The following GNAQ variants were observed in gnomAD, a reference collection of about 807,000 sequenced individuals.
The protein encoded by GNAQ is G protein subunit alpha q.
In GNAQ, 8 loss-of-function variants were observed where a neutral mutation model predicts 43.9. The observed-to-expected ratio is 0.18, with a 90% CI of 0.11 to 0.33. The LOEUF (loss-of-function observed/expected upper bound fraction) is 0.33. Ranked by LOEUF, GNAQ falls within the 10% of genes least tolerant of loss-of-function variation. The probability of loss-of-function intolerance (pLI) is 1.00; values close to 1 mark genes in which losing one functional copy is unlikely to be tolerated. For missense variants in GNAQ, 158 were observed against 450.8 expected, an observed-to-expected ratio of 0.35 and a Z score of 5.88; for synonymous variants, 155 against 170.7, an observed-to-expected ratio of 0.91 and a Z score of 0.71.
intron 3 of GNAQ, among the ~76,000 whole-genome samples, chr9:77,803,374 C>G (rs572652673): frequency 2.6e-5 from 4 of 152,320 alleles, no homozygotes; most frequent in African/African-American, 9.6e-5. Context: ...ATACCTGTTT[C>G]AAGCTTTCAG....
chr9:77,974,444 T>C (rs985148084), intron 1 of GNAQ, among the ~76,000 whole-genome samples: 1 of 152,230 alleles, frequency 6.6e-6, no homozygotes, highest in Admixed American at 6.5e-5. Flanking sequence ...TGATAGTAAC[T>C]ACCACATGCC....
At chr9:77,889,443 A>G in intron 2 of GNAQ, among the ~76,000 whole-genome samples, 1 of 142,364 alleles carries the variant, frequency 7.0e-6, no homozygotes, top group Non-Finnish European at 1.5e-5. Flanking sequence ...AAAAAAAAAA[A>G]AAAAATCCTT....
intron 6 of GNAQ, among the ~76,000 whole-genome samples, chr9:77,724,984 G>A (rs1202526486): frequency 2.6e-5 from 4 of 152,212 alleles, no homozygotes; most frequent in Middle Eastern, 3.4e-3. Context: ...AGCTGGAGAA[G>A]TCTCTCATTT....
chr9:77,825,317 C>A (rs1192076957), intron 2 of GNAQ, among the ~76,000 whole-genome samples: 1 of 149,940 alleles, frequency 6.7e-6, no homozygotes, highest in Non-Finnish European at 1.5e-5. Context: ...ATCTTTCATA[C>A]CTCCACAGTA....
intron 1 of GNAQ, among the ~76,000 whole-genome samples, chr9:77,986,738 C>A (rs997055172): frequency 1.2e-4 from 18 of 150,720 alleles, no homozygotes; most frequent in Non-Finnish European, 2.2e-4. Context: ...AACTCCTGGG[C>A]TCAATCTTCT....
intron 2 of GNAQ, among the ~76,000 whole-genome samples, chr9:77,853,654 A>G (rs914554494): frequency 1.3e-5 from 2 of 152,112 alleles, no homozygotes; most frequent in East Asian, 1.9e-4. Flanking sequence ...ATAAACCTAC[A>G]ATATGCACAA....
chr9:78,020,269 T>A (rs1823892032), intron 1 of GNAQ, among the ~76,000 whole-genome samples: 1 of 152,090 alleles, frequency 6.6e-6, no homozygotes, highest in African/African-American at 2.4e-5. Context: ...ATCACAGGAT[T>A]AGCAGAGTTC....
At chr9:78,022,242 G>A (rs2118607420) in intron 1 of GNAQ, among the ~76,000 whole-genome samples, 1 of 152,308 alleles carries the variant, frequency 6.6e-6, no homozygotes, top group South Asian at 2.1e-4. Flanking sequence ...CCTTCATCCA[G>A]GGGTGAGTTT....
intron 1 of GNAQ, among the ~76,000 whole-genome samples, chr9:77,937,166 G>C (rs980023843): frequency 3.9e-5 from 6 of 152,268 alleles, no homozygotes; most frequent in African/African-American, 1.4e-4. Flanking sequence ...GTTCTGGCCA[G>C]ACGTGGTGCC....
In GNAQ at chr9:77,842,789, C is replaced by CAT. The variant is rs1352085204; in HGVS notation, c.322-27021_322-27020dup. Among the ~76,000 whole-genome samples the CAT allele has an allele frequency of 3.9e-5, 6 of 152,244 alleles. No homozygotes were observed. The East Asian group carries it at 9.7e-4, about 25-fold the overall frequency. ...CGGAACCTTGGGATACTTTGATGAA[C>CAT]ATATGCATCTTTTACAAGGTTCCAA... On this transcript the variant is annotated intron_variant, in intron 2 of 6. Transcript: ENST00000286548.
intron 2 of GNAQ, among the ~76,000 whole-genome samples, chr9:77,888,965 T>C (rs1181882742): frequency 6.6e-6 from 1 of 152,164 alleles, no homozygotes; most frequent in Non-Finnish European, 1.5e-5. Flanking sequence ...ATTCTTCCCA[T>C]AAGCTTGAAC....
intron 2 of GNAQ, among the ~76,000 whole-genome samples, chr9:77,874,872 T>A (rs1351072722): frequency 5.3e-5 from 8 of 151,978 alleles, no homozygotes. Flanking sequence ...GCTCCTGCCT[T>A]GGCCACCTAA....
chr9:77,967,631 G>A (rs1418463860), intron 1 of GNAQ, among the ~76,000 whole-genome samples: 3 of 152,174 alleles, frequency 2.0e-5, no homozygotes, highest in East Asian at 3.9e-4. Flanking sequence ...AGGCATATTA[G>A]GTAGATTAGT....
At chr9:77,965,207 C>CTAT (rs1823151518) in intron 1 of GNAQ, among the ~76,000 whole-genome samples, 3 of 151,998 alleles carry the variant, frequency 2.0e-5, no homozygotes, top group African/African-American at 7.2e-5. Flanking sequence ...CAGCAACTAC[C>CTAT]ACCAATCAAC....
At chr9:77,822,590 C>T (rs1429416772) in intron 2 of GNAQ, among the ~76,000 whole-genome samples, 1 of 139,468 alleles carries the variant, frequency 7.2e-6, no homozygotes, top group Non-Finnish European at 1.5e-5. Context: ...AGAATTCAGA[C>T]AGGCGAAAAA....
chr9:77,723,076 T>A (rs1054501921), intron 6 of GNAQ, among the ~76,000 whole-genome samples: 7 of 152,072 alleles, frequency 4.6e-5, no homozygotes, highest in Non-Finnish European at 7.4e-5. Context: ...AAAAACCCAA[T>A]TAAAAAATAG....
Position 77,863,702 on chromosome 9 carries a change from T to C in GNAQ, c.322-47932A>G, listed in dbSNP as rs192304783. On this transcript the variant is annotated intron_variant, in intron 2 of 6. Transcript: ENST00000286548. ...CATTTATAAAAAAAAAGAGGTTTAA[T>C]GGACTTACAGTTCCACGTGGCTGGG... Among the ~76,000 whole-genome samples the C allele has an allele frequency of 3.5e-3, 527 of 152,262 alleles. 3 individuals are homozygous for C. The highest frequency in any genetic ancestry group is 3.5e-3 in the South Asian group (17 of 4,828).
intron 1 of GNAQ, among the ~76,000 whole-genome samples, chr9:77,937,444 A>C (rs1157171705): frequency 6.6e-6 from 1 of 152,064 alleles, no homozygotes; most frequent in Non-Finnish European, 1.5e-5. Context: ...TCTCAAAATA[A>C]ATAAATAAAT....
chr9:77,805,453 G>A (rs1178602604), intron 3 of GNAQ, among the ~76,000 whole-genome samples: 1 of 151,746 alleles, frequency 6.6e-6, no homozygotes, highest in Non-Finnish European at 1.5e-5. Context: ...CGCCCAGGCT[G>A]GAGTGCAATG....
Sources: gnomAD v4.1 joint callset for allele counts (sites outside exome capture counted in the v4.1 genomes callset) on GRCh38, gnomAD v4.1.1 for gene constraint, MANE v1.5 for transcripts, NCBI Gene and HGNC (gene_info 2026-07-23, HGNC 2026-07-21) for gene names.